Variants in PJVK observed in about 807,000 individuals in gnomAD.
The protein encoded by PJVK is pejvakin.
Under a neutral mutation model 37.6 loss-of-function variants are expected in PJVK, and 33 were observed. The observed-to-expected ratio is 0.88, with a 90% CI of 0.67 to 1.17. The LOEUF (loss-of-function observed/expected upper bound fraction) is 1.17. Ranked by LOEUF, PJVK falls within the 50% of genes most tolerant of loss-of-function variation. PJVK has a pLI of 0.00. For missense variants in PJVK, 410 were observed against 413.8 expected (o/e 0.99, Z 0.08); for synonymous variants, 141 against 143.5 (o/e 0.98, Z 0.13).
rs182265290 is a variant in PJVK at position 178,461,834 on chromosome 2, C to T, written c.*560C>T. ...TCCTGACCTTGTGATCCACTTTCCT[C>T]GGCCTCCCAAAGTGCTGGGATTACA... is the stretch of plus-strand genomic sequence containing the variant. On this transcript the variant is annotated 3_prime_UTR_variant, in exon 7 of 7. Coordinates refer to ENST00000644580, the MANE Select transcript of PJVK (RefSeq NM_001042702.5). Among the ~76,000 whole-genome samples the T allele has an allele frequency of 2.2e-3, 332 of 152,244 alleles. No individual in the cohort carries two copies. The highest frequency in any genetic ancestry group is 7.6e-3 in the African/African-American group (315 of 41,548).
chr2:178,454,599 G>T, intron 3 of PJVK, 72 bp downstream of exon 3: 1 of 1,511,814 alleles, frequency 6.6e-7, no homozygotes. Flanking sequence ...TCATTACAAA[G>T]AATGCTTAAA....
At chr2:178,454,847 C>A in intron 3 of PJVK, 1 of 1,106,190 alleles carries the variant, frequency 9.0e-7, no homozygotes, top group East Asian at 2.4e-5. Flanking sequence ...GCCTTGACTC[C>A]CCAGGGAAGC....
rs758686864 is a variant in PJVK at position 178,460,424 on chromosome 2, G to A, written c.744G>A (p.Leu248=). ...ETATFALLYR[L]RNILFERNRR... ...CAACATTTGCACTGCTGTACAGGTTGAGAAATATCCTATTTGAAAGAAGTA... is the reference window on the plus strand; with the variant it reads ...CAACATTTGCACTGCTGTACAGGTTAAGAAATATCCTATTTGAAAGAAGTA... Residue 248 remains leucine (L), a synonymous_variant, in exon 6 of 7, where the codon TTG becomes TTA. Transcript: ENST00000644580. 56 of 1,613,852 alleles carry A rather than the reference G, an allele frequency of 3.5e-5. No individual in the cohort carries two copies. In the South Asian group the frequency reaches 4.9e-4, roughly 14 times the overall value.
chr2:178,454,534 A>G lies in PJVK; in HGVS notation c.407+7A>G, dbSNP rs1697930725. Reference sequence around the variant, plus strand: ...TCAAAGAAATTACTACACGGTCAGTATAATAATCCTAATATATTTCAGTGT... The same window carrying G: ...TCAAAGAAATTACTACACGGTCAGTGTAATAATCCTAATATATTTCAGTGT... On this transcript the variant is annotated splice_region_variant and intron_variant, in intron 3 of 6. Coordinates refer to ENST00000644580, the MANE Select transcript of PJVK (RefSeq NM_001042702.5). 6.2e-7 allele frequency: 1 copy of G among 1,611,082 alleles called. No individual in the cohort carries two copies. The highest frequency in any genetic ancestry group is 1.3e-5 in the African/African-American group (1 of 74,872).
intron 1 of PJVK, chr2:178,452,642 A>G: frequency 3.0e-6 from 3 of 985,060 alleles, no homozygotes; most frequent in Non-Finnish European, 3.6e-6. Context: ...TTAAAGGTTA[A>G]GTAGCTGGGA....
At chr2:178,455,043 G>A (rs951780517) in intron 3 of PJVK, 5 of 1,268,142 alleles carry the variant, frequency 3.9e-6, no homozygotes, top group Admixed American at 1.7e-5. Context: ...GGCATCCAAC[G>A]GCGGCACCTC....
Position 178,453,604 on chromosome 2 carries a change from C to G in PJVK, c.195C>G (p.Asp65Glu), listed in dbSNP as rs727504946. 6.2e-7 allele frequency: 1 copy of G among 1,612,794 alleles called. No homozygotes were observed. The highest frequency in any genetic ancestry group is 1.7e-4 in the Middle Eastern group (1 of 6,020). Residue 65 changes from aspartate (D) to glutamate (E), a missense_variant, in exon 2 of 7, where the codon GAC becomes GAG. Transcript: ENST00000644580. The stretch of plus-strand genomic sequence containing the variant: ...CACTGAAAGATATTCTCCTAGGAGA[C>G]AGAGAAATTTCAGCTGGTAAGTTTA... ...PFTLKDILLG[D>E]REISAGISSY... is the part of the protein sequence containing the mutation.
intron 5 of PJVK, chr2:178,459,770 A>G (rs1427597982): frequency 1.3e-5 from 2 of 153,862 alleles, no homozygotes; most frequent in East Asian, 1.9e-4. Flanking sequence ...TAAAATATAT[A>G]TATAATTTGG....
chr2:178,459,589 G>C (rs370765510), intron 5 of PJVK, among the ~76,000 whole-genome samples: 2 of 152,048 alleles, frequency 1.3e-5, no homozygotes, highest in Non-Finnish European at 2.9e-5. Flanking sequence ...CAAATTCTCA[G>C]TCTAAGATGG....
chr2:178,458,108 T>A (rs577336189), intron 4 of PJVK, among the ~76,000 whole-genome samples: 29 of 152,340 alleles, frequency 1.9e-4, no homozygotes, highest in Admixed American at 9.1e-4. Flanking sequence ...TACTTGATTG[T>A]TAGCGATTGC....
Position 178,460,442 on chromosome 2 carries a change from A to C in PJVK, c.762A>C (p.Glu254Asp), listed in dbSNP as rs770054482. ...ACAGGTTGAGAAATATCCTATTTGA[A>C]AGAAGTATGTTTATTGAAGAGTACT... ...LLYRLRNILF[E>D]RNRRVMDVIS... Residue 254 changes from glutamate to aspartate, a missense_variant, in exon 6 of 7, where the codon GAA (glutamate) becomes GAC (aspartate). Glu to Asp is a conservative substitution (Grantham distance 45). Transcript: ENST00000644580. The C allele has an allele frequency of 2.5e-6, 4 of 1,613,664 alleles. No homozygotes were observed. In the Admixed American group the frequency reaches 6.7e-5, roughly 27 times the overall value.
At chr2:178,452,191 G>A (rs1173727792) in intron 1 of PJVK, 2 of 652,858 alleles carry the variant, frequency 3.1e-6, no homozygotes, top group African/African-American at 4.0e-5. Flanking sequence ...TACTCGGGAG[G>A]CTAAAGCAGG....
chr2:178,458,522 G>T lies in PJVK; in HGVS notation c.562G>T (p.Asp188Tyr), dbSNP rs545244882. 8 of 1,610,380 alleles carry T rather than the reference G, an allele frequency of 5.0e-6. No homozygotes were observed. In the African/African-American group the frequency reaches 9.3e-5, roughly 19 times the overall value. ...TTATTCAATATAGTTTCACTTTATG[G>T]ATGAACAGAATCCCAAGGGAAGGGA... ...RGEAMRFHFM[D>Y]EQNPKGRDKA... The change falls in exon 5 of 7, where the codon GAT becomes TAT. Residue 188 changes from aspartate to tyrosine, a missense_variant. By Grantham distance (160) the Asp-to-Tyr change is radical. Coordinates refer to ENST00000644580, the MANE Select transcript of PJVK (RefSeq NM_001042702.5).
intron 3 of PJVK, chr2:178,455,092 GGA>G: frequency 1.3e-6 from 2 of 1,574,508 alleles, no homozygotes; most frequent in East Asian, 4.5e-5. Context: ...TCATCGATGG[GGA>G]GCTCTACAAC....
chr2:178,460,482 T>A, intron 6 of PJVK, 36 bp downstream of exon 6: 1 of 1,573,194 alleles, frequency 6.4e-7, no homozygotes, highest in Non-Finnish European at 8.7e-7. Context: ...ATGTCTTTTT[T>A]TTTTCTTTCC....
At chr2:178,452,523 T>A in intron 1 of PJVK, 2 of 985,360 alleles carry the variant, frequency 2.0e-6, no homozygotes, top group Non-Finnish European at 1.2e-6. Context: ...TATTTCACAA[T>A]ATATGAACTC....
At chr2:178,452,417 C>A in intron 1 of PJVK, 2 of 985,132 alleles carry the variant, frequency 2.0e-6, no homozygotes, top group South Asian at 9.4e-5. Flanking sequence ...TAATTAGAGC[C>A]TATTCTCTCT....
chr2:178,459,556 T>C (rs1684355720), intron 5 of PJVK, among the ~76,000 whole-genome samples: 1 of 152,142 alleles, frequency 6.6e-6, no homozygotes, highest in Non-Finnish European at 1.5e-5. Context: ...CCAATTATAC[T>C]CTTTTAGTTA....
chr2:178,458,518 T>C lies in PJVK; in HGVS notation c.558T>C (p.Phe186=). The change falls in exon 5 of 7, where the codon TTT becomes TTC. Residue 186 remains phenylalanine, a synonymous_variant. Coordinates refer to ENST00000644580, the MANE Select transcript of PJVK (RefSeq NM_001042702.5). The part of the protein sequence containing the change: ...GIRGEAMRFH[F]MDEQNPKGRD... ...TTATTTATTCAATATAGTTTCACTT[T>C]ATGGATGAACAGAATCCCAAGGGAA... 1 of 1,607,342 alleles carries C rather than the reference T, an allele frequency of 6.2e-7. No individual in the cohort carries two copies. Among genetic ancestry groups the C allele is most frequent in the Non-Finnish European group, 8.5e-7 (1 of 1,173,878 alleles).
Sources: allele counts gnomAD v4.1 joint callset (sites outside exome capture counted in the v4.1 genomes callset), GRCh38; gene constraint gnomAD v4.1.1; transcripts MANE v1.5; gene names NCBI Gene and HGNC (gene_info 2026-07-23, HGNC 2026-07-21).